KIF26B: variants seen among roughly 807,000 people sequenced by gnomAD.
KIF26B encodes the protein kinesin family member 26B.
Under a neutral mutation model 151.2 loss-of-function variants are expected in KIF26B, and 63 were observed. That is an observed-to-expected ratio of 0.42 (90% CI 0.34 to 0.51). KIF26B has a LOEUF of 0.51. Ranked by LOEUF, KIF26B falls within the 20% of genes least tolerant of loss-of-function variation. KIF26B has a pLI of 0.07. For synonymous variants in KIF26B, 1,357 were observed against 1,262.1 expected (o/e 1.08, Z -1.59); for missense variants, 2,813 against 2,913.6 (o/e 0.97, Z 0.79).
At position 245,443,594 on chromosome 1, in the gene KIF26B, CGTTCACCTAGAGCGGTCATCTCCCTCACT is replaced by C. The variant is rs1558167896; in HGVS notation, c.1166+23872_1166+23900del. 7.4e-4 allele frequency among the ~76,000 whole-genome samples: 39 copies of C among 52,512 alleles called. 1 individual carries two copies. Among genetic ancestry groups the C allele is most frequent in the African/African-American group, 2.4e-3 (36 of 14,812 alleles). 34.4% of individuals were successfully genotyped at this position (52,512 alleles called of 152,430 possible). A position where few individuals can be genotyped will look rare whatever the true frequency, so the allele number is the denominator to read the frequency against. On this transcript the variant is annotated intron_variant, in intron 4 of 14. Transcript: ENST00000407071. ...TTCACCCTGCGGTCATCTCCCTCAC[CGTTCACCTAGAGCGGTCATCTCCCTCACT>C]GTTCACCTAGAGCGGTCATCTCTCT...
intron 3 of KIF26B, among the ~76,000 whole-genome samples, chr1:245,386,573 C>CG (rs1325910935): frequency 1.3e-5 from 2 of 152,288 alleles, no homozygotes; most frequent in Admixed American, 6.5e-5. Flanking sequence ...TTGCCTCCCC[C>CG]TCACTCACAC....
intron 12 of KIF26B, among the ~76,000 whole-genome samples, chr1:245,693,359 C>A (rs2147963491): frequency 1.3e-5 from 2 of 152,336 alleles, no homozygotes; most frequent in South Asian, 4.2e-4. Flanking sequence ...CTGCGCTCGA[C>A]CCAGCCTGCT....
intron 2 of KIF26B, among the ~76,000 whole-genome samples, chr1:245,258,632 C>A (rs1368074129): frequency 1.3e-5 from 2 of 152,282 alleles, no homozygotes; most frequent in East Asian, 3.9e-4. Flanking sequence ...CTGCGTGGAG[C>A]TGTGGCGTCT....
chr1:245,684,496 C>G (rs1486335410), intron 11 of KIF26B, 101 bp downstream of exon 11: 2 of 1,231,062 alleles, frequency 1.6e-6, no homozygotes, highest in East Asian at 5.2e-5. Flanking sequence ...GCCAATCCCC[C>G]AGCATCAGGA....
chr1:245,550,807 T>A (rs74154419), intron 5 of KIF26B, among the ~76,000 whole-genome samples: 4,467 of 152,304 alleles, frequency 0.029, 242 homozygotes, highest in African/African-American at 0.1. Context: ...TCTTTTTTTG[T>A]GAGCCTCAAA....
chr1:245,593,833 G>A (rs2043314385), intron 5 of KIF26B, among the ~76,000 whole-genome samples: 1 of 152,190 alleles, frequency 6.6e-6, no homozygotes, highest in Non-Finnish European at 1.5e-5. Flanking sequence ...TCCAGCATCT[G>A]TTGTTTCCTC....
chr1:245,188,572 A>G (rs1385106818), intron 2 of KIF26B, among the ~76,000 whole-genome samples: 1 of 152,232 alleles, frequency 6.6e-6, no homozygotes, highest in East Asian at 1.9e-4. Context: ...CCTCTTACAA[A>G]GATGTACAGA....
chr1:245,621,696 C>T (rs1259654208), intron 9 of KIF26B, among the ~76,000 whole-genome samples: 1 of 152,230 alleles, frequency 6.6e-6, no homozygotes. Context: ...TGTGTAACTA[C>T]ACTTTCTCCC....
At chr1:245,646,012 T>C (rs1190421509) in intron 9 of KIF26B, 109 bp from the exon 10 acceptor site, 7 of 1,201,734 alleles carry the variant, frequency 5.8e-6, no homozygotes, top group African/African-American at 3.0e-5. Context: ...CGTCAACCTT[T>C]TACTTCCCCT....
intron 2 of KIF26B, among the ~76,000 whole-genome samples, chr1:245,262,553 C>T (rs1573740041): frequency 6.6e-6 from 1 of 152,030 alleles, no homozygotes; most frequent in Admixed American, 6.6e-5. Context: ...TTCTGGGGTT[C>T]AAGCGATTCT....
At chr1:245,385,495 T>C (rs1215782549) in intron 3 of KIF26B, among the ~76,000 whole-genome samples, 3 of 152,236 alleles carry the variant, frequency 2.0e-5, no homozygotes, top group African/African-American at 7.2e-5. Context: ...TGGAGTACTT[T>C]TACATTGTAG....
chr1:245,368,755 G>A (rs1673023511), intron 3 of KIF26B, among the ~76,000 whole-genome samples: 1 of 152,168 alleles, frequency 6.6e-6, no homozygotes, highest in East Asian at 1.9e-4. Flanking sequence ...GGAAGATAGA[G>A]TGTGTGGAGG....
At chr1:245,347,062 T>C (rs1672470432) in intron 2 of KIF26B, among the ~76,000 whole-genome samples, 2 of 152,212 alleles carry the variant, frequency 1.3e-5, no homozygotes, top group African/African-American at 4.8e-5. Context: ...TACCTGTCTG[T>C]GCCCAGCTGA....
chr1:245,535,672 T>C, intron 4 of KIF26B, among the ~76,000 whole-genome samples: 1 of 152,236 alleles, frequency 6.6e-6, no homozygotes, highest in Non-Finnish European at 1.5e-5. Context: ...AAATGTCGCT[T>C]ATACTTATCA....
chr1:245,375,362 C>T lies in KIF26B; in HGVS notation c.999+7995C>T, dbSNP rs1043256527. On this transcript the variant is annotated intron_variant, in intron 3 of 14. Transcript: ENST00000407071. The surrounding 1 kb of genome is among the most constrained non-coding windows in gnomAD (Gnocchi z 4.2). The stretch of plus-strand genomic sequence containing the variant: ...AAAGTGCTGGGATTACAGGTATGAA[C>T]CACCACATCCGGCCAAGGAGATCAT... 6.6e-6 allele frequency among the ~76,000 whole-genome samples: 1 copy of T among 152,128 alleles called. No homozygotes were observed. The highest frequency in any genetic ancestry group is 2.4e-5 in the African/African-American group (1 of 41,430).
chr1:245,194,884 G>A (rs568140604), intron 2 of KIF26B, among the ~76,000 whole-genome samples: 17 of 152,106 alleles, frequency 1.1e-4, no homozygotes, highest in African/African-American at 3.4e-4. Context: ...GTGTATGGGG[G>A]TGTGTGTGTG....
chr1:245,245,318 A>AC (rs746501948), intron 2 of KIF26B, among the ~76,000 whole-genome samples: 28 of 152,044 alleles, frequency 1.8e-4, no homozygotes, highest in Non-Finnish European at 3.8e-4. Context: ...GACTGCTGTC[A>AC]CCCCTCGGCT....
intron 2 of KIF26B, among the ~76,000 whole-genome samples, chr1:245,243,692 C>A (rs372060517): frequency 9.3e-5 from 14 of 150,486 alleles, no homozygotes; most frequent in African/African-American, 3.2e-4. Context: ...AATAAAAATA[C>A]AAAAAAAAAT....
chr1:245,683,828 G>A (rs1236409200), intron 10 of KIF26B, among the ~76,000 whole-genome samples: 1 of 152,176 alleles, frequency 6.6e-6, no homozygotes, highest in Non-Finnish European at 1.5e-5. Context: ...TTGCAAGATT[G>A]TCTGTGTGTG....
Sources: gnomAD v4.1 joint callset for allele counts (sites outside exome capture counted in the v4.1 genomes callset) on GRCh38, gnomAD v4.1.1 for gene constraint, Gnocchi (gnomAD v3.1) non-coding constraint, MANE v1.5 for transcripts, NCBI Gene and HGNC (gene_info 2026-07-23, HGNC 2026-07-21) for gene names.